Variants in CRYL1 observed in about 807,000 individuals in gnomAD.
CRYL1 encodes the protein crystallin lambda 1.
Under a neutral mutation model 36.6 loss-of-function variants are expected in CRYL1, and 29 were observed. The observed-to-expected ratio is 0.79, with a 90% CI of 0.59 to 1.08. The LOEUF is 1.08. Ranked by LOEUF, CRYL1 falls within the 50% of genes least tolerant of loss-of-function variation. CRYL1 has a pLI of 0.00. For missense variants in CRYL1, 411 were observed against 407.9 expected, an observed-to-expected ratio of 1.01 and a Z score of -0.06; for synonymous variants, 152 against 151.5, an observed-to-expected ratio of 1.00 and a Z score of -0.02.
chr13:20,416,181 A>G (rs2031658737), intron 5 of CRYL1, among the ~76,000 whole-genome samples: 1 of 152,150 alleles, frequency 6.6e-6, no homozygotes, highest in Admixed American at 6.6e-5. Flanking sequence ...ATGGTATCTC[A>G]CCAGGTTTCC....
At chr13:20,471,603 T>C (rs941881937) in intron 3 of CRYL1, among the ~76,000 whole-genome samples, 1 of 150,428 alleles carries the variant, frequency 6.6e-6, no homozygotes, top group African/African-American at 2.4e-5. Context: ...AGACTCTGTC[T>C]CAAAAAAAAA....
At chr13:20,450,245 C>A (rs1003427836) in intron 3 of CRYL1, among the ~76,000 whole-genome samples, 1 of 152,094 alleles carries the variant, frequency 6.6e-6, no homozygotes, top group African/African-American at 2.4e-5. Flanking sequence ...AACAGATGCA[C>A]AGACCAACTG....
At chr13:20,492,649 G>T (rs1014544004) in intron 2 of CRYL1, among the ~76,000 whole-genome samples, 1 of 152,010 alleles carries the variant, frequency 6.6e-6, no homozygotes, top group Non-Finnish European at 1.5e-5. Context: ...GATTACACCA[G>T]GCCAAGCCAG....
At chr13:20,480,765 C>A (rs4770042) in intron 3 of CRYL1, among the ~76,000 whole-genome samples, 1 of 152,022 alleles carries the variant, frequency 6.6e-6, no homozygotes, top group African/African-American at 2.4e-5. Flanking sequence ...TTAGTCCTCA[C>A]CTGCAGGCAC....
At chr13:20,510,120 ACAACCTG>A (rs2033886513) in intron 2 of CRYL1, among the ~76,000 whole-genome samples, 1 of 152,206 alleles carries the variant, frequency 6.6e-6, no homozygotes, top group Non-Finnish European at 1.5e-5. Flanking sequence ...ACAAAGCTAA[ACAACCTG>A]TTACCATCCA....
At chr13:20,431,982 G>A in intron 5 of CRYL1, 120 bp downstream of exon 5, 4 of 1,567,068 alleles carry the variant, frequency 2.6e-6, no homozygotes, top group South Asian at 1.2e-5. Context: ...AGCAGCCTCT[G>A]ACTTTCCCAG....
chr13:20,481,063 T>C lies in CRYL1; in HGVS notation c.276+8307A>G, dbSNP rs980897841. The stretch of plus-strand genomic sequence containing the variant: ...GTGCCCAGTTCTGTAAGCACACTAT[T>C]TGAATAAAGCAAGAGCAAGCCATCA... On this transcript the variant is annotated intron_variant, in intron 3 of 7. Transcript: ENST00000298248. This position sits in a 1 kb window ranked among gnomAD's most constrained non-coding sequence, Gnocchi z 4.1. Among the ~76,000 whole-genome samples the C allele has an allele frequency of 6.6e-6, 1 of 152,152 alleles. No homozygotes were observed. The highest frequency in any genetic ancestry group is 6.5e-5 in the Admixed American group (1 of 15,274).
intron 3 of CRYL1, among the ~76,000 whole-genome samples, chr13:20,444,753 A>G (rs1249238143): frequency 2.0e-5 from 3 of 152,182 alleles, no homozygotes; most frequent in Admixed American, 6.5e-5. Flanking sequence ...GTCTTGCTCT[A>G]TCACCCAGGC....
At chr13:20,507,643 G>T (rs777633317) in intron 2 of CRYL1, among the ~76,000 whole-genome samples, 1 of 152,234 alleles carries the variant, frequency 6.6e-6, no homozygotes, top group East Asian at 1.9e-4. Context: ...CCCAGGCTGG[G>T]CACAGTGGCT....
chr13:20,466,511 G>A (rs990658422), intron 3 of CRYL1, among the ~76,000 whole-genome samples: 2 of 152,046 alleles, frequency 1.3e-5, no homozygotes, highest in Non-Finnish European at 2.9e-5. Flanking sequence ...CCACACACAC[G>A]CACGCACACA....
At chr13:20,430,232 T>C (rs2032028071) in intron 5 of CRYL1, 4 of 984,568 alleles carry the variant, frequency 4.1e-6, no homozygotes, top group Non-Finnish European at 4.8e-6. Context: ...GGTAATTCTT[T>C]GGGTTTTACT....
intron 3 of CRYL1, among the ~76,000 whole-genome samples, chr13:20,456,516 C>T (rs12429780): frequency 0.045 from 6,756 of 149,884 alleles, 335 homozygotes; most frequent in Admixed American, 0.16. Context: ...AGAAGAGAGG[C>T]GAGGCAGGAG....
chr13:20,445,876 A>T (rs1260167515), intron 3 of CRYL1, among the ~76,000 whole-genome samples: 1 of 152,220 alleles, frequency 6.6e-6, no homozygotes, highest in Non-Finnish European at 1.5e-5. Context: ...TGGGTTTAAC[A>T]ATGGACAGAT....
intron 3 of CRYL1, among the ~76,000 whole-genome samples, chr13:20,442,223 CA>C (rs1424399407): frequency 6.6e-6 from 1 of 152,172 alleles, no homozygotes; most frequent in East Asian, 1.9e-4. Flanking sequence ...ATTTGATTAT[CA>C]AAGAGGCAAG....
rs372129509 is a variant in CRYL1 at position 20,495,053 on chromosome 13, C to A, written c.150-5557G>T. 1.4e-3 allele frequency among the ~76,000 whole-genome samples: 213 copies of A among 152,354 alleles called. 1 individual carries two copies. The highest frequency in any genetic ancestry group is 5.0e-3 in the African/African-American group (207 of 41,574). ...ACCCCTGTGTTCTCTTTAGGGCCAA[C>A]AAATCCACATGCCACAAATCAAACC... On this transcript the variant is annotated intron_variant, in intron 2 of 7. Transcript: ENST00000298248.
chr13:20,458,371 A>T (rs1161267269), intron 3 of CRYL1, among the ~76,000 whole-genome samples: 1 of 152,194 alleles, frequency 6.6e-6, no homozygotes, highest in Non-Finnish European at 1.5e-5. Context: ...GTCCCACCCC[A>T]AGAAGAATTA....
At chr13:20,420,701 T>TTTTTTTTTTTG in intron 5 of CRYL1, among the ~76,000 whole-genome samples, 4 of 21,874 alleles carry the variant, frequency 1.8e-4, no homozygotes, top group South Asian at 6.5e-3. Flanking sequence ...AAAATAGAGG[T>TTTTTTTTTTTG]TGTGTGTGTG....
chr13:20,468,752 T>C (rs1455908597), intron 3 of CRYL1, among the ~76,000 whole-genome samples: 1 of 152,156 alleles, frequency 6.6e-6, no homozygotes, highest in Non-Finnish European at 1.5e-5. Context: ...ACTACAGGCA[T>C]ATACCGCCAT....
At chr13:20,476,303 C>T (rs1050548867) in intron 3 of CRYL1, among the ~76,000 whole-genome samples, 2 of 148,186 alleles carry the variant, frequency 1.3e-5, no homozygotes, top group Non-Finnish European at 3.0e-5. Context: ...TGCAGTGAGC[C>T]AAGATCGCGC....
Sources: allele counts gnomAD v4.1 joint callset (sites outside exome capture counted in the v4.1 genomes callset), GRCh38; gene constraint gnomAD v4.1.1; non-coding constraint Gnocchi (gnomAD v3.1); transcripts MANE v1.5; gene names NCBI Gene and HGNC (gene_info 2026-07-23, HGNC 2026-07-21).